ADGRL3: variants seen among roughly 807,000 people sequenced by gnomAD.
ADGRL3 encodes calcium-independent alpha-latrotoxin receptor 3.
Under a neutral mutation model 153.5 loss-of-function variants are expected in ADGRL3, and 62 were observed. The observed-to-expected ratio is 0.40, with a 90% CI of 0.33 to 0.50. ADGRL3 has a LOEUF of 0.50. Among genes scored for constraint, ADGRL3 ranks in the 20% least tolerant of loss-of-function variants. The pLI, the probability that ADGRL3 is intolerant of heterozygous loss-of-function variation, is 0.47. For missense variants in ADGRL3, 1,641 were observed against 1,859.4 expected (o/e 0.88, Z 2.16); for synonymous variants, 710 against 672.5 (o/e 1.06, Z -0.86).
intron 3 of ADGRL3, 129 bp from the exon 4 acceptor site, chr4:61,517,185 TG>T: frequency 1.6e-6 from 1 of 629,506 alleles, no homozygotes; most frequent in Non-Finnish European, 2.9e-6. Context: ...GAGTAGGGCC[TG>T]GGGTGGCTGG....
chr4:61,730,818 A>G lies in ADGRL3; in HGVS notation c.598+182A>G, dbSNP rs138923712. Among the ~76,000 whole-genome samples the G allele has an allele frequency of 1.9e-3, 283 of 152,010 alleles. 3 individuals carry two copies. The highest frequency in any genetic ancestry group is 2.4e-3 in the Non-Finnish European group (166 of 67,820). ...TGACAAGAGTCACTTTCTTTTATCT[A>G]AGAAGAGTTTAGTAGTATAAAATTT... is the stretch of plus-strand genomic sequence containing the variant. On this transcript the variant is annotated intron_variant, in intron 7 of 26. Coordinates refer to ENST00000683033, the MANE Select transcript of ADGRL3 (RefSeq NM_001387552.1).
intron 1 of ADGRL3, among the ~76,000 whole-genome samples, chr4:61,236,247 T>C (rs965251378): frequency 1.3e-5 from 2 of 152,024 alleles, no homozygotes; most frequent in African/African-American, 4.8e-5. Flanking sequence ...TGACCTCAGG[T>C]GATCTGCCCA....
intron 5 of ADGRL3, among the ~76,000 whole-genome samples, chr4:61,619,722 C>G (rs1390679074): frequency 6.6e-6 from 1 of 152,210 alleles, no homozygotes; most frequent in Non-Finnish European, 1.5e-5. Flanking sequence ...GGGTGCCATT[C>G]ACAGCAGAGC....
At chr4:61,476,191 T>C (rs1432404522) in intron 2 of ADGRL3, among the ~76,000 whole-genome samples, 1 of 152,188 alleles carries the variant, frequency 6.6e-6, no homozygotes, top group Non-Finnish European at 1.5e-5. Context: ...AATATTCTTG[T>C]GTATTAATAG....
At chr4:61,708,992 T>G (rs1346495435) in intron 6 of ADGRL3, among the ~76,000 whole-genome samples, 1 of 151,910 alleles carries the variant, frequency 6.6e-6, no homozygotes, top group Non-Finnish European at 1.5e-5. Flanking sequence ...GTATTTTTAG[T>G]AGAGACAATG....
At chr4:61,413,054 G>A (rs1414941294) in intron 2 of ADGRL3, among the ~76,000 whole-genome samples, 4 of 152,154 alleles carry the variant, frequency 2.6e-5, no homozygotes, top group Non-Finnish European at 4.4e-5. Context: ...TTCCGTTTGA[G>A]CTGGTTTCTT....
chr4:61,804,185 A>G (rs577205250), intron 8 of ADGRL3, among the ~76,000 whole-genome samples: 1 of 152,264 alleles, frequency 6.6e-6, no homozygotes, highest in Non-Finnish European at 1.5e-5. Flanking sequence ...CTATGTGCCA[A>G]TCTGTTCTCT....
chr4:61,951,410 G>C (rs891902440), intron 17 of ADGRL3, among the ~76,000 whole-genome samples: 3 of 152,096 alleles, frequency 2.0e-5, no homozygotes, highest in Non-Finnish European at 4.4e-5. Flanking sequence ...TCTTTCCAGG[G>C]TCTCAGGGTA....
chr4:61,591,754 T>C (rs1469694609), intron 5 of ADGRL3, among the ~76,000 whole-genome samples: 1 of 151,866 alleles, frequency 6.6e-6, no homozygotes, highest in Non-Finnish European at 1.5e-5. Context: ...TCACATATAA[T>C]AGTCACATTA....
At chr4:61,911,815 C>T (rs1404184671) in intron 12 of ADGRL3, among the ~76,000 whole-genome samples, 3 of 151,818 alleles carry the variant, frequency 2.0e-5, no homozygotes, top group Non-Finnish European at 4.4e-5. Flanking sequence ...TAATTTTCTC[C>T]TTCAACAATC....
intron 25 of ADGRL3, among the ~76,000 whole-genome samples, chr4:62,047,286 C>G (rs1731631617): frequency 6.6e-6 from 1 of 151,694 alleles, no homozygotes; most frequent in Non-Finnish European, 1.5e-5. Context: ...CCTATTTTTA[C>G]TTTAGGTTTT....
At chr4:61,273,619 A>G (rs2093315688) in intron 1 of ADGRL3, among the ~76,000 whole-genome samples, 4 of 152,206 alleles carry the variant, frequency 2.6e-5, no homozygotes. Context: ...TACAAGTGCT[A>G]CAGTAAAATT....
At chr4:61,250,020 T>C (rs1001414693) in intron 1 of ADGRL3, among the ~76,000 whole-genome samples, 13 of 152,200 alleles carry the variant, frequency 8.5e-5, no homozygotes, top group Non-Finnish European at 1.5e-5. Context: ...CTTTCGGGAC[T>C]AATATGTGCT....
Position 61,763,190 on chromosome 4 carries a change from C to CTTTT in ADGRL3, c.1399+29648_1399+29651dup, listed in dbSNP as rs771693851. Among the ~76,000 whole-genome samples the CTTTT allele has an allele frequency of 2.5e-4, 34 of 137,282 alleles. No homozygotes were observed. In the East Asian group the frequency reaches 4.7e-3, roughly 19 times the overall value. The allele number at this position is 137,282 out of a possible 152,430, so 90.1% of individuals were successfully genotyped here. On this transcript the variant is annotated intron_variant, in intron 8 of 26. Transcript: ENST00000683033. ...TTATTTTTAACCGTTAGTAACATTT[C>CTTTT]TTTTTTTTTTTTTTTGAGACAGAGT...
chr4:61,371,774 G>A (rs2151734974), intron 1 of ADGRL3, among the ~76,000 whole-genome samples: 1 of 152,070 alleles, frequency 6.6e-6, no homozygotes, highest in East Asian at 1.9e-4. Context: ...CTGAATGTTG[G>A]CCTGCCTTGC....
At chr4:61,862,255 G>A (rs1220329811) in intron 9 of ADGRL3, among the ~76,000 whole-genome samples, 1 of 152,100 alleles carries the variant, frequency 6.6e-6, no homozygotes, top group Non-Finnish European at 1.5e-5. Context: ...TTTCTCTATG[G>A]CAAGGTCACA....
rs560297982 is a variant in ADGRL3, at chr4:61,256,801, T to C, written c.-240+55036T>C. Among the ~76,000 whole-genome samples the C allele has an allele frequency of 4.6e-5, 7 of 152,288 alleles. No individual in the cohort carries two copies. The South Asian group carries it at 1.5e-3, about 32-fold the overall frequency. ...TTTAAAAATGTGGTTAAATTTGCAG[T>C]GCATTTGACTAACTGTAGTCTCATA... On this transcript the variant is annotated intron_variant, in intron 1 of 26. Coordinates refer to ENST00000683033, the MANE Select transcript of ADGRL3 (RefSeq NM_001387552.1).
At chr4:62,003,634 C>A (rs933356971) in intron 21 of ADGRL3, among the ~76,000 whole-genome samples, 10 of 152,204 alleles carry the variant, frequency 6.6e-5, no homozygotes, top group African/African-American at 2.4e-4. Flanking sequence ...TATTTTTAAC[C>A]ACTCTGTATG....
chr4:62,028,058 GA>G (rs1201737620), intron 21 of ADGRL3, among the ~76,000 whole-genome samples: 1 of 151,648 alleles, frequency 6.6e-6, no homozygotes, highest in African/African-American at 2.4e-5. Flanking sequence ...CATAATATAG[GA>G]AACTATCTTG....
Sources: allele counts gnomAD v4.1 joint callset (sites outside exome capture counted in the v4.1 genomes callset), GRCh38; gene constraint gnomAD v4.1.1; transcripts MANE v1.5; gene names NCBI Gene and HGNC (gene_info 2026-07-23, HGNC 2026-07-21).